Variants in SEL1L2 observed in about 807,000 individuals in gnomAD.
The protein encoded by SEL1L2 is SEL1L2 adaptor subunit of SYVN1 ubiquitin ligase.
SEL1L2 carries 89 observed loss-of-function variants against 98.8 expected under a neutral mutation model. The ratio of observed to expected loss-of-function variants is 0.90; its 90% CI spans 0.76 to 1.07. The LOEUF (loss-of-function observed/expected upper bound fraction) is 1.07, where lower values mean the gene tolerates loss of function less well. Ranked by LOEUF, SEL1L2 falls within the 50% of genes least tolerant of loss-of-function variation. The pLI is 0.00. For missense variants in SEL1L2, 788 were observed against 812.0 expected, an observed-to-expected ratio of 0.97 and a Z score of 0.36; for synonymous variants, 262 against 278.5, an observed-to-expected ratio of 0.94 and a Z score of 0.59.
At chr20:13,877,496 A>G in intron 11 of SEL1L2, 24 bp downstream of exon 11, 1 of 1,574,124 alleles carries the variant, frequency 6.4e-7, no homozygotes, top group Non-Finnish European at 8.7e-7. Context: ...AAATGAAAAC[A>G]ATGAATCAAG....
At chr20:13,875,384 C>T (rs968931822) in intron 12 of SEL1L2, among the ~76,000 whole-genome samples, 19 of 152,182 alleles carry the variant, frequency 1.2e-4, no homozygotes, top group African/African-American at 3.9e-4. Context: ...GGATTACAAG[C>T]GTGAGCCACT....
chr20:13,934,985 A>G (rs1277135581), intron 2 of SEL1L2, among the ~76,000 whole-genome samples: 2 of 152,188 alleles, frequency 1.3e-5, no homozygotes, highest in Non-Finnish European at 2.9e-5. Context: ...TGGAATTATC[A>G]TATGTTATTG....
chr20:13,991,681 A>ATC (rs1004691125), upstream of SEL1L2, among the ~76,000 whole-genome samples: 8 of 151,908 alleles, frequency 5.3e-5, no homozygotes, highest in African/African-American at 9.7e-5. Context: ...ATCCAGAACA[A>ATC]TCTCTCTCTC....
chr20:13,986,014 A>C (rs529942093), intron 1 of SEL1L2, among the ~76,000 whole-genome samples: 1 of 152,326 alleles, frequency 6.6e-6, no homozygotes, highest in African/African-American at 2.4e-5. Context: ...TGGATATACC[A>C]CGTTTTGTTG....
chr20:13,901,776 C>A (rs886448974), intron 5 of SEL1L2, among the ~76,000 whole-genome samples: 9 of 152,058 alleles, frequency 5.9e-5, no homozygotes, highest in Admixed American at 5.9e-4. Flanking sequence ...ATTCTCCTGC[C>A]TCAGCCTCCG....
At chr20:13,870,070 C>T in intron 13 of SEL1L2, 71 bp downstream of exon 13, 1 of 1,101,968 alleles carries the variant, frequency 9.1e-7, no homozygotes, top group South Asian at 1.4e-5. Context: ...TTCCTTTAAA[C>T]TAATGAATGA....
Position 13,916,376 on chromosome 20 carries a change from C to A in SEL1L2, c.387-2432G>T, listed in dbSNP as rs142738418. On this transcript the variant is annotated intron_variant, in intron 4 of 19. Transcript: ENST00000284951. ...CCACCTGCCCTATGCTTAGGCATGG[C>A]TGCACAGATGTAACTTGTTTAAGGA... Among the ~76,000 whole-genome samples the A allele has an allele frequency of 6.6e-5, 10 of 152,268 alleles. No homozygotes were observed. In the East Asian group the frequency reaches 1.7e-3, roughly 27 times the overall value.
At chr20:13,952,057 T>C (rs2050303299) in intron 2 of SEL1L2, among the ~76,000 whole-genome samples, 1 of 152,154 alleles carries the variant, frequency 6.6e-6, no homozygotes, top group Non-Finnish European at 1.5e-5. Flanking sequence ...CCAAGCACCA[T>C]GCACCCAAAT....
intron 18 of SEL1L2, among the ~76,000 whole-genome samples, chr20:13,857,535 C>T (rs980064190): frequency 6.6e-6 from 1 of 152,204 alleles, no homozygotes; most frequent in Admixed American, 6.5e-5. Flanking sequence ...TGAGAGGACA[C>T]CTGCCTGTCC....
chr20:13,865,355 C>A lies in SEL1L2; in HGVS notation c.1564G>T (p.Glu522Ter). ...GAATTTTAACTCATCTTACTAGATT[C>A]CAAAATGAATGCTGAATTGCTTTGA... ...VAQSNSAFIL[E>*]SKKANILEKE... is the part of the protein sequence containing the mutation. The change falls in exon 16 of 20, where the codon GAA (glutamate) becomes TAA (stop). Residue 522 changes from glutamate (E) to a stop codon, truncating the protein, a stop_gained. Coordinates refer to ENST00000284951, the MANE Select transcript of SEL1L2 (RefSeq NM_025229.2). LOFTEE classifies it high-confidence loss of function. The A allele has an allele frequency of 6.2e-7, 1 of 1,613,988 alleles. No individual in the cohort carries two copies. The highest frequency in any genetic ancestry group is 1.1e-5 in the South Asian group (1 of 91,064).
chr20:13,949,563 T>C (rs1266712516), intron 2 of SEL1L2, among the ~76,000 whole-genome samples: 1 of 152,034 alleles, frequency 6.6e-6, no homozygotes, highest in Admixed American at 6.6e-5. Context: ...ATCGGGAGGC[T>C]GAGGCAGGAG....
At chr20:13,872,611 A>G (rs1360173968) in intron 12 of SEL1L2, among the ~76,000 whole-genome samples, 1 of 152,100 alleles carries the variant, frequency 6.6e-6, no homozygotes, top group Non-Finnish European at 1.5e-5. Flanking sequence ...TACAGAAGGG[A>G]AGGAAACAGA....
rs765746448 is a variant in SEL1L2, at chr20:13,887,767, A to G, written c.745+2T>C. On this transcript the variant is annotated splice_donor_variant, in intron 8 of 19. Transcript: ENST00000284951. LOFTEE classifies it high-confidence loss of function. ...TTAAAATAAATTATGTGGATTACTT[A>G]CTATAATCTGCCACTTTCTTGTAAT... is the stretch of plus-strand genomic sequence containing the variant. 6.4e-7 allele frequency: 1 copy of G among 1,574,628 alleles called. No individual in the cohort carries two copies. The highest frequency in any genetic ancestry group is 1.7e-5 in the Admixed American group (1 of 59,810).
At chr20:13,923,920 TCAA>T (rs2048768323) in intron 3 of SEL1L2, among the ~76,000 whole-genome samples, 1 of 152,214 alleles carries the variant, frequency 6.6e-6, no homozygotes, top group African/African-American at 2.4e-5. Context: ...TAAAAAATCT[TCAA>T]CAATTGTGGA....
At chr20:13,989,254 TTC>T (rs1439296278) in intron 1 of SEL1L2, among the ~76,000 whole-genome samples, 1 of 152,196 alleles carries the variant, frequency 6.6e-6, no homozygotes, top group East Asian at 1.9e-4. Context: ...TAAAGTTTCT[TTC>T]ATAATTTCAT....
intron 5 of SEL1L2, among the ~76,000 whole-genome samples, chr20:13,904,938 G>A (rs2148122556): frequency 6.6e-6 from 1 of 152,276 alleles, no homozygotes; most frequent in East Asian, 1.9e-4. Flanking sequence ...TGCGGTGCCT[G>A]GCAAACTATT....
intron 12 of SEL1L2, among the ~76,000 whole-genome samples, chr20:13,873,463 G>C (rs2046295162): frequency 1.3e-5 from 2 of 152,110 alleles, no homozygotes; most frequent in South Asian, 4.1e-4. Flanking sequence ...CCGGGTTTAA[G>C]TGATTCTCCT....
At chr20:13,972,596 C>A (rs2051334735) in intron 1 of SEL1L2, among the ~76,000 whole-genome samples, 1 of 152,134 alleles carries the variant, frequency 6.6e-6, no homozygotes, top group Admixed American at 6.5e-5. Context: ...GATAAATTTT[C>A]TGAATCCATT....
intron 1 of SEL1L2, among the ~76,000 whole-genome samples, chr20:13,969,429 A>G (rs1192350946): frequency 6.6e-6 from 1 of 152,214 alleles, no homozygotes; most frequent in East Asian, 1.9e-4. Context: ...TGAATTGCAC[A>G]GTCGTGGGTG....
Sources: allele counts gnomAD v4.1 joint callset (sites outside exome capture counted in the v4.1 genomes callset), GRCh38; gene constraint gnomAD v4.1.1; transcripts MANE v1.5; gene names NCBI Gene and HGNC (gene_info 2026-07-23, HGNC 2026-07-21).